RNF111: variants seen among roughly 807,000 people sequenced by gnomAD.
The protein encoded by RNF111 is ring finger protein 111.
Under a neutral mutation model 95.1 loss-of-function variants are expected in RNF111, and 17 were observed. The observed-to-expected ratio is 0.18, with a 90% CI of 0.12 to 0.27. The LOEUF (loss-of-function observed/expected upper bound fraction) is 0.27, where lower values mean the gene tolerates loss of function less well. Among genes scored for constraint, RNF111 ranks in the 10% least tolerant of loss-of-function variants. The pLI, the probability that RNF111 is intolerant of heterozygous loss-of-function variation, is 1.00. For synonymous variants in RNF111, 440 were observed against 414.8 expected (o/e 1.06, Z -0.74); for missense variants, 1,189 against 1,210.4 (o/e 0.98, Z 0.26).
chr15:59,080,110 GCTC>G lies in RNF111; in HGVS notation c.1949-823_1949-821del, dbSNP rs1473184512. On this transcript the variant is annotated intron_variant, in intron 7 of 13. Coordinates refer to ENST00000348370, the MANE Select transcript of RNF111 (RefSeq NM_017610.8). ...TGGGGGTAATCAGGCCTTCTTGTGT[GCTC>G]CTTTTTTTTTTTTTTTTTTTTTTTT... 1.1e-3 allele frequency among the ~76,000 whole-genome samples: 161 copies of G among 142,450 alleles called. 2 individuals carry two copies. The highest frequency in any genetic ancestry group is 4.0e-3 in the African/African-American group (155 of 38,314). 93.5% of individuals were successfully genotyped at this position (142,450 alleles called of 152,430 possible).
chr15:59,072,258 TGATTGACTG>T (rs1199498464), intron 6 of RNF111, among the ~76,000 whole-genome samples: 2 of 152,116 alleles, frequency 1.3e-5, no homozygotes, highest in Admixed American at 1.3e-4. Context: ...TTTGCTGCAT[TGATTGACTG>T]TTACTTTCAT....
At chr15:59,039,712 G>T (rs1316356378) in intron 2 of RNF111, among the ~76,000 whole-genome samples, 2 of 151,182 alleles carry the variant, frequency 1.3e-5, no homozygotes, top group Non-Finnish European at 2.9e-5. Flanking sequence ...ATTCCTTTAA[G>T]AACTCCTGAT....
At chr15:59,029,742 G>C (rs2040812785) in intron 1 of RNF111, among the ~76,000 whole-genome samples, 1 of 152,196 alleles carries the variant, frequency 6.6e-6, no homozygotes, top group African/African-American at 2.4e-5. Flanking sequence ...TAACAGTTTG[G>C]TGGGCTGTAG....
chr15:59,085,510 A>C (rs1440238924), intron 9 of RNF111, 149 bp from the exon 10 acceptor site: 10 of 557,782 alleles, frequency 1.8e-5, no homozygotes, highest in African/African-American at 1.8e-4. Flanking sequence ...TGAAATTATT[A>C]GTTAAATATT....
intron 7 of RNF111, among the ~76,000 whole-genome samples, chr15:59,079,130 T>C (rs369916832): frequency 3.6e-4 from 55 of 152,354 alleles, no homozygotes; most frequent in African/African-American, 1.2e-3. Context: ...CTGTTTTGTT[T>C]AAACAGTGAA....
intron 1 of RNF111, among the ~76,000 whole-genome samples, chr15:59,028,976 C>T (rs1225980221): frequency 6.6e-6 from 1 of 152,058 alleles, no homozygotes; most frequent in African/African-American, 2.4e-5. Context: ...GATGGGGTTT[C>T]ACCATGTTGG....
chr15:59,067,192 C>G, intron 6 of RNF111, 109 bp downstream of exon 6: 1 of 941,672 alleles, frequency 1.1e-6, no homozygotes, highest in Non-Finnish European at 1.6e-6. Flanking sequence ...CTCTCTCCCT[C>G]CCTCCATTTC....
chr15:59,017,087 A>G (rs1214331506), intron 1 of RNF111, among the ~76,000 whole-genome samples: 4 of 152,024 alleles, frequency 2.6e-5, no homozygotes, highest in African/African-American at 7.2e-5. Flanking sequence ...TTGCAATGCA[A>G]TGATAATAGA....
intron 1 of RNF111, among the ~76,000 whole-genome samples, chr15:59,026,383 C>CA (rs1555472981): frequency 6.6e-6 from 1 of 151,728 alleles, no homozygotes; most frequent in Non-Finnish European, 1.5e-5. Context: ...AGCATGCAGT[C>CA]ATCATGACAT....
At chr15:59,033,130 C>A (rs2040999096) in intron 2 of RNF111, among the ~76,000 whole-genome samples, 1 of 152,164 alleles carries the variant, frequency 6.6e-6, no homozygotes, top group South Asian at 2.1e-4. Context: ...GGAGAGCTTT[C>A]TAAAGGGCTA....
At chr15:58,991,593 G>A (rs2038820279) in intron 1 of RNF111, among the ~76,000 whole-genome samples, 1 of 152,162 alleles carries the variant, frequency 6.6e-6, no homozygotes, top group South Asian at 2.1e-4. Context: ...CTTTTTAGAG[G>A]TGGTAATTTG....
chr15:59,023,992 C>T (rs1169992967), intron 1 of RNF111, among the ~76,000 whole-genome samples: 1 of 152,078 alleles, frequency 6.6e-6, no homozygotes, highest in Non-Finnish European at 1.5e-5. Context: ...GATCAGTTTA[C>T]CAATAATATA....
chr15:59,008,119 T>TTATA (rs2039625315), intron 1 of RNF111, among the ~76,000 whole-genome samples: 1 of 152,202 alleles, frequency 6.6e-6, no homozygotes, highest in African/African-American at 2.4e-5. Context: ...TCTAGAAGCT[T>TTATA]TATAGTTTTA....
intron 1 of RNF111, among the ~76,000 whole-genome samples, chr15:59,020,422 C>A (rs2040281253): frequency 6.6e-6 from 1 of 152,060 alleles, no homozygotes; most frequent in African/African-American, 2.4e-5. Flanking sequence ...AGTGCTGCCA[C>A]CCTACCAAAA....
chr15:59,044,206 T>C (rs1215522796), intron 2 of RNF111, among the ~76,000 whole-genome samples: 1 of 152,192 alleles, frequency 6.6e-6, no homozygotes, highest in African/African-American at 2.4e-5. Context: ...CATTTTTGTA[T>C]TATTAATAGA....
intron 5 of RNF111, among the ~76,000 whole-genome samples, chr15:59,063,690 G>A: frequency 6.6e-6 from 1 of 152,158 alleles, no homozygotes; most frequent in Non-Finnish European, 1.5e-5. Context: ...AGAGGTTCTG[G>A]ACTATATATA....
At chr15:59,093,482 A>G (rs1237706701) in intron 13 of RNF111, 2 of 426,368 alleles carry the variant, frequency 4.7e-6, no homozygotes, top group Admixed American at 5.9e-5. Context: ...AAATGCTGGG[A>G]TTACAGGCGT....
chr15:59,063,131 C>T (rs1461161895), intron 5 of RNF111, among the ~76,000 whole-genome samples: 5 of 152,132 alleles, frequency 3.3e-5, no homozygotes, highest in South Asian at 2.1e-4. Context: ...CTCTTCTTGG[C>T]GCTTAGCTAC....
intron 1 of RNF111, among the ~76,000 whole-genome samples, chr15:59,022,930 C>G (rs1215470294): frequency 1.4e-4 from 21 of 152,204 alleles, no homozygotes; most frequent in African/African-American, 4.8e-4. Flanking sequence ...GGTGGATTCC[C>G]TGGATGACAG....
Sources: allele counts gnomAD v4.1 joint callset (sites outside exome capture counted in the v4.1 genomes callset), GRCh38; gene constraint gnomAD v4.1.1; transcripts MANE v1.5; gene names NCBI Gene and HGNC (gene_info 2026-07-23, HGNC 2026-07-21).